UBE2E2: variants seen among roughly 807,000 people sequenced by gnomAD.
UBE2E2 encodes ubiquitin-conjugating enzyme E2 E2.
Under a neutral mutation model 24.7 loss-of-function variants are expected in UBE2E2, and 6 were observed. The observed-to-expected ratio is 0.24, with a 90% CI of 0.13 to 0.48. UBE2E2 has a LOEUF of 0.48. Among genes scored for constraint, UBE2E2 ranks in the 20% least tolerant of loss-of-function variants. The probability of loss-of-function intolerance (pLI) is 0.99; values close to 1 mark genes in which losing one functional copy is unlikely to be tolerated. For missense variants in UBE2E2, 169 were observed against 245.0 expected (o/e 0.69, Z 2.07); for synonymous variants, 104 against 83.6 (o/e 1.24, Z -1.33).
chr3:23,408,873 G>A (rs1173425211), intron 3 of UBE2E2, among the ~76,000 whole-genome samples: 1 of 152,050 alleles, frequency 6.6e-6, no homozygotes, highest in African/African-American at 2.4e-5. Context: ...TCAAACATGA[G>A]CAAATGCACA....
At chr3:23,265,117 G>A (rs898301525) in intron 3 of UBE2E2, among the ~76,000 whole-genome samples, 4 of 152,180 alleles carry the variant, frequency 2.6e-5, no homozygotes, top group African/African-American at 9.7e-5. Context: ...AGATGTGGGA[G>A]GAGGATTTTT....
At chr3:23,298,168 C>T (rs146792137) in intron 3 of UBE2E2, among the ~76,000 whole-genome samples, 4,332 of 152,170 alleles carry the variant, frequency 0.028, 109 homozygotes, top group East Asian at 0.13. Context: ...AGTTGCTTAT[C>T]AGCTTGAGGA....
chr3:23,428,736 G>A (rs751498851), intron 3 of UBE2E2, among the ~76,000 whole-genome samples: 14 of 151,888 alleles, frequency 9.2e-5, no homozygotes, highest in Non-Finnish European at 1.5e-4. Flanking sequence ...CAATATGGGA[G>A]GCAGAAGCAG....
At chr3:23,311,855 C>T (rs1694404879) in intron 3 of UBE2E2, among the ~76,000 whole-genome samples, 1 of 152,150 alleles carries the variant, frequency 6.6e-6, no homozygotes, top group Non-Finnish European at 1.5e-5. Flanking sequence ...AAGCATTTAT[C>T]CTTTGTGTTA....
intron 1 of UBE2E2, chr3:23,204,557 G>T: frequency 3.1e-6 from 1 of 323,148 alleles, no homozygotes; most frequent in Non-Finnish European, 4.5e-6. Flanking sequence ...TCTGGACTTT[G>T]TGAATCTAAA....
chr3:23,230,650 G>T (rs1313163307), intron 3 of UBE2E2, among the ~76,000 whole-genome samples: 1 of 152,096 alleles, frequency 6.6e-6, no homozygotes, highest in Admixed American at 6.6e-5. Context: ...GCCCGGCTTG[G>T]TGGTGGGTAC....
At chr3:23,512,357 A>G (rs573265921) in intron 4 of UBE2E2, among the ~76,000 whole-genome samples, 1 of 152,188 alleles carries the variant, frequency 6.6e-6, no homozygotes, top group Non-Finnish European at 1.5e-5. Context: ...AGCCAGGACT[A>G]CAGGCATGTG....
chr3:23,477,053 A>C (rs921494873), intron 3 of UBE2E2, among the ~76,000 whole-genome samples: 1 of 152,174 alleles, frequency 6.6e-6, no homozygotes, highest in African/African-American at 2.4e-5. Context: ...AAAATTTTAC[A>C]TTGTGAATAC....
chr3:23,459,212 G>GCTA (rs1185860875), intron 3 of UBE2E2, among the ~76,000 whole-genome samples: 1 of 152,130 alleles, frequency 6.6e-6, no homozygotes, highest in East Asian at 1.9e-4. Flanking sequence ...TTCTATAAGG[G>GCTA]CTACCCTTTG....
At chr3:23,566,411 A>T (rs372583205) in intron 5 of UBE2E2, among the ~76,000 whole-genome samples, 1 of 152,170 alleles carries the variant, frequency 6.6e-6, no homozygotes, top group Non-Finnish European at 1.5e-5. Flanking sequence ...AACTTGGTTC[A>T]TCTCGTAGTG....
At chr3:23,359,218 T>C (rs1288423315) in intron 3 of UBE2E2, among the ~76,000 whole-genome samples, 1 of 152,210 alleles carries the variant, frequency 6.6e-6, no homozygotes, top group East Asian at 1.9e-4. Flanking sequence ...ATTTCCCTAC[T>C]CTAATGATGT....
intron 5 of UBE2E2, chr3:23,534,128 C>CTTTT (rs1158079342): frequency 2.6e-4 from 113 of 439,114 alleles, no homozygotes; most frequent in African/African-American, 8.6e-4. Context: ...TGCAAGAAGG[C>CTTTT]TTTTTTTTTT....
chr3:23,272,322 C>A (rs1158444985), intron 3 of UBE2E2, among the ~76,000 whole-genome samples: 1 of 151,628 alleles, frequency 6.6e-6, no homozygotes, highest in Non-Finnish European at 1.5e-5. Context: ...AAGCCCACGC[C>A]CACCCAGAAC....
At chr3:23,217,624 G>GT (rs1370370421) in intron 3 of UBE2E2, among the ~76,000 whole-genome samples, 2 of 151,918 alleles carry the variant, frequency 1.3e-5, no homozygotes, top group Non-Finnish European at 2.9e-5. Flanking sequence ...GCCTTAAGTG[G>GT]TTTTTTTAAT....
intron 3 of UBE2E2, among the ~76,000 whole-genome samples, chr3:23,378,454 C>G (rs17013152): frequency 0.029 from 4,384 of 152,192 alleles, 109 homozygotes; most frequent in East Asian, 0.13. Context: ...TTCTTCCAGA[C>G]TGTAATAGCG....
intron 3 of UBE2E2, among the ~76,000 whole-genome samples, chr3:23,428,083 G>A (rs970066617): frequency 7.9e-5 from 12 of 152,122 alleles, no homozygotes; most frequent in African/African-American, 2.4e-4. Context: ...ATTGAAATCC[G>A]TTTACTACAT....
At chr3:23,329,826 A>G (rs1469699603) in intron 3 of UBE2E2, among the ~76,000 whole-genome samples, 8 of 152,228 alleles carry the variant, frequency 5.3e-5, no homozygotes, top group African/African-American at 1.7e-4. Context: ...ACTGTCTGTG[A>G]TATTAATACA....
At chr3:23,585,774 AC>A (rs1696611751) in intron 5 of UBE2E2, among the ~76,000 whole-genome samples, 1 of 152,104 alleles carries the variant, frequency 6.6e-6, no homozygotes, top group South Asian at 2.1e-4. Context: ...CAATCTAGAA[AC>A]CCAAAATGAT....
intron 3 of UBE2E2, among the ~76,000 whole-genome samples, chr3:23,480,815 A>AT (rs1383671754): frequency 6.6e-6 from 1 of 152,220 alleles, no homozygotes; most frequent in Non-Finnish European, 1.5e-5. Flanking sequence ...AAAGGGCCTT[A>AT]TATGTAGCAA....
Sources: gnomAD v4.1 joint callset for allele counts (sites outside exome capture counted in the v4.1 genomes callset) on GRCh38, gnomAD v4.1.1 for gene constraint, MANE v1.5 for transcripts, NCBI Gene and HGNC (gene_info 2026-07-23, HGNC 2026-07-21) for gene names.